The following SPTBN2 variants were observed in gnomAD, a reference collection of about 807,000 sequenced individuals.
SPTBN2 encodes the protein spectrin beta, non-erythrocytic 2, also known as spectrin beta chain, non-erythrocytic 2.
A neutral mutation model predicts 284.2 loss-of-function variants in SPTBN2; 107 were observed. The ratio of observed to expected loss-of-function variants is 0.38; its 90% CI spans 0.32 to 0.44. The LOEUF (loss-of-function observed/expected upper bound fraction) is 0.44, where lower values mean the gene tolerates loss of function less well. Among genes scored for constraint, SPTBN2 ranks in the 20% least tolerant of loss-of-function variants. The pLI, the probability that SPTBN2 is intolerant of heterozygous loss-of-function variation, is 1.00. For synonymous variants in SPTBN2, 1,289 were observed against 1,354.8 expected (o/e 0.95, Z 1.07); for missense variants, 2,569 against 3,287.1 (o/e 0.78, Z 5.34).
intron 26 of SPTBN2, 147 bp downstream of exon 26, chr11:66,692,389 A>G (rs147641499): frequency 1.1e-6 from 1 of 904,606 alleles, no homozygotes; most frequent in African/African-American, 1.6e-5. Context: ...CAAATCATAT[A>G]CCTCAAAACC....
In SPTBN2 at chr11:66,689,881, G is replaced by A; in HGVS notation, c.5873C>T (p.Ala1958Val). The A allele has an allele frequency of 6.2e-7, 1 of 1,614,166 alleles. No homozygotes were observed. Among genetic ancestry groups the A allele is most frequent in the Non-Finnish European group, 8.5e-7 (1 of 1,180,034 alleles). The change falls in exon 29 of 38, where the codon GCC becomes GTC. Residue 1958 changes from alanine to valine, a missense_variant. Ala to Val is a moderately conservative substitution (Grantham distance 64). Transcript: ENST00000533211. Reference sequence around the variant, plus strand: ...GCAGGAGGAGAAGCGGTCTGCCCGGGCCTCTATCTCTGCCTTGATGCCTTG... The same window carrying A: ...GCAGGAGGAGAAGCGGTCTGCCCGGACCTCTATCTCTGCCTTGATGCCTTG... ...NQQGIKAEIE[A>V]RADRFSSCID...
intron 1 of SPTBN2, among the ~76,000 whole-genome samples, chr11:66,735,758 A>AT (rs537721022): frequency 7.2e-5 from 11 of 152,156 alleles, no homozygotes; most frequent in East Asian, 1.9e-4. Context: ...TGCATTATTT[A>AT]TTTTTTTTAA....
chr11:66,744,535 C>G (rs1396502918), intron 1 of SPTBN2: 1 of 197,874 alleles, frequency 5.1e-6, no homozygotes, highest in Admixed American at 6.0e-5. Context: ...GCCTCATTCC[C>G]GCTCACCTCC....
At position 66,700,833 on chromosome 11, in the gene SPTBN2, G is replaced by A; in HGVS notation, c.3266C>T (p.Ala1089Val). ...AWLGRTQTAV[A>V]SEEGPATLPE... The stretch of plus-strand genomic sequence containing the variant: ...CAGGGTGGCCGGCCCTTCTTCAGAG[G>A]CCACAGCAGTCTGAGTGCGGCCTAG... Residue 1089 changes from alanine (A) to valine (V), a missense_variant, in exon 17 of 38, where the codon GCC becomes GTC. Ala to Val is a moderately conservative substitution (Grantham distance 64, BLOSUM62 0). Around this residue, in one of 6 missense-constraint regions of SPTBN2, gnomAD observed 1,012 missense variants for 1,248.9 expected, o/e 0.81. Transcript: ENST00000533211. The surrounding 1 kb of genome is among the most constrained non-coding windows in gnomAD (Gnocchi z 6.6). 1 of 1,600,322 alleles carries A rather than the reference G, an allele frequency of 6.2e-7. No homozygotes were observed. The highest frequency in any genetic ancestry group is 8.5e-7 in the Non-Finnish European group (1 of 1,179,798).
Position 66,707,402 on chromosome 11 carries a change from C to T in SPTBN2, c.1653+114G>A. ...GTTCCCTGCAACTGGGGACAGGGCC[C>T]TGTGCTGGTTCACACTCCACAGAGA... On this transcript the variant is annotated intron_variant, in intron 13 of 37. Coordinates refer to ENST00000533211, the MANE Select transcript of SPTBN2 (RefSeq NM_006946.4). The surrounding 1 kb of genome is among the most constrained non-coding windows in gnomAD (Gnocchi z 4.9). 2 of 1,156,276 alleles carry T rather than the reference C, an allele frequency of 1.7e-6. No homozygotes were observed. Among genetic ancestry groups the T allele is most frequent in the Non-Finnish European group, 2.5e-6 (2 of 814,230 alleles). 71.6% of individuals were successfully genotyped at this position (1,156,276 alleles called of 1,614,324 possible). A position where few individuals can be genotyped will look rare whatever the true frequency, so the allele number is the denominator to read the frequency against.
intron 1 of SPTBN2, among the ~76,000 whole-genome samples, chr11:66,737,669 C>G (rs1942863270): frequency 6.6e-6 from 1 of 152,198 alleles, no homozygotes; most frequent in African/African-American, 2.4e-5. Flanking sequence ...AAGCTAGATA[C>G]CAACTTGTTA....
rs528862578 is a variant in SPTBN2, at chr11:66,685,509, A to T, written c.*362T>A. The T allele has an allele frequency of 6.3e-6, 2 of 318,366 alleles. No homozygotes were observed. The highest frequency in any genetic ancestry group is 1.2e-5 in the Non-Finnish European group (2 of 163,902). The allele number at this position is 318,366 out of a possible 1,614,324, so 19.7% of individuals were successfully genotyped here. On this transcript the variant is annotated 3_prime_UTR_variant, in exon 38 of 38. Transcript: ENST00000533211. The surrounding 1 kb of genome is among the most constrained non-coding windows in gnomAD (Gnocchi z 4.4). ...GAAGGCAGAAGGCGAGTGCCCTCGC[A>T]TGGCAGGAGAATGACCCTGAGGCAG...
intron 1 of SPTBN2, among the ~76,000 whole-genome samples, chr11:66,735,807 G>C (rs1343888370): frequency 6.6e-6 from 1 of 152,124 alleles, no homozygotes; most frequent in Non-Finnish European, 1.5e-5. Flanking sequence ...TATCTTGATT[G>C]GTGAAGTTAA....
At chr11:66,704,563 C>G (rs922664128) in intron 15 of SPTBN2, 35 bp downstream of exon 15, 14 of 1,602,136 alleles carry the variant, frequency 8.7e-6, no homozygotes, top group African/African-American at 1.3e-5. Flanking sequence ...CCCCACCTCC[C>G]AAGGCTGGTC....
chr11:66,693,135 C>A lies in SPTBN2; in HGVS notation c.4855-35G>T. ...GGGACAGTGGCATCCAGCATCAGGT[C>A]AGGGGAGGGCAGAACTGGTCACATA... On this transcript the variant is annotated intron_variant, in intron 24 of 37. Transcript: ENST00000533211. This position sits in a 1 kb window ranked among gnomAD's most constrained non-coding sequence, Gnocchi z 5.7. The A allele has an allele frequency of 6.2e-7, 1 of 1,614,226 alleles. No individual in the cohort carries two copies. Among genetic ancestry groups the A allele is most frequent in the South Asian group, 1.1e-5 (1 of 91,074 alleles).
intron 1 of SPTBN2, among the ~76,000 whole-genome samples, chr11:66,723,406 T>C (rs1395295155): frequency 6.6e-6 from 1 of 152,010 alleles, no homozygotes; most frequent in Non-Finnish European, 1.5e-5. Flanking sequence ...AATAGAGAAG[T>C]GCTGGGTGGT....
chr11:66,689,088 C>A lies in SPTBN2; in HGVS notation c.6034+8G>T. On this transcript the variant is annotated splice_region_variant and intron_variant, in intron 30 of 37. Transcript: ENST00000533211. ...CCCACAGGGCCTGGGGCCCCCTTGGCAGCTCACCCAGCTGAAGCCAGTCCA... is the reference window on the plus strand; with the variant it reads ...CCCACAGGGCCTGGGGCCCCCTTGGAAGCTCACCCAGCTGAAGCCAGTCCA... The A allele has an allele frequency of 6.2e-7, 1 of 1,603,106 alleles. No individual in the cohort carries two copies. Among genetic ancestry groups the A allele is most frequent in the Non-Finnish European group, 8.5e-7 (1 of 1,174,164 alleles).
At chr11:66,686,266 C>T (rs1161859386) in intron 37 of SPTBN2, 132 bp downstream of exon 37, 12 of 1,422,740 alleles carry the variant, frequency 8.4e-6, no homozygotes, top group Middle Eastern at 3.5e-4. Flanking sequence ...CCTGGTGCGG[C>T]CGTCGCACAC....
intron 21 of SPTBN2, among the ~76,000 whole-genome samples, chr11:66,695,714 C>T (rs1940863211): frequency 6.6e-6 from 1 of 152,112 alleles, no homozygotes; most frequent in Non-Finnish European, 1.5e-5. Flanking sequence ...ATAGAGTTCT[C>T]TTTACCACCT....
chr11:66,720,730 AT>A (rs1337577640), intron 3 of SPTBN2, among the ~76,000 whole-genome samples: 1 of 152,178 alleles, frequency 6.6e-6, no homozygotes, highest in Non-Finnish European at 1.5e-5. Flanking sequence ...CAACAAGGGC[AT>A]GACAGGTAAG....
chr11:66,707,789 G>A lies in SPTBN2; in HGVS notation c.1380C>T (p.Val460=), dbSNP rs529823815. ...CTTCGTGCTTCCGTACTGCTGCCTC[G>A]ACAGCTGCCAGCTCCAGCCCAAAGT... The part of the protein sequence containing the change: ...QDNFGLELAA[V]EAAVRKHEAI... Residue 460 remains valine (V), a synonymous_variant, in exon 13 of 38, where the codon GTC becomes GTT. Transcript: ENST00000533211. This position sits in a 1 kb window ranked among gnomAD's most constrained non-coding sequence, Gnocchi z 4.9. 1.1e-5 allele frequency: 17 copies of A among 1,609,494 alleles called. No individual in the cohort carries two copies. Among genetic ancestry groups the A allele is most frequent in the East Asian group, 2.2e-5 (1 of 44,858 alleles).
chr11:66,721,972 G>A (rs1942424843), intron 1 of SPTBN2, among the ~76,000 whole-genome samples: 1 of 151,870 alleles, frequency 6.6e-6, no homozygotes, highest in Non-Finnish European at 1.5e-5. Flanking sequence ...GCTTGAACCT[G>A]GGCGCACCTT....
intron 1 of SPTBN2, among the ~76,000 whole-genome samples, chr11:66,739,259 C>T (rs768075880): frequency 3.9e-5 from 6 of 152,106 alleles, no homozygotes; most frequent in African/African-American, 1.4e-4. Context: ...TTTTAGAGAT[C>T]GGTGAAAAAT....
Position 66,704,723 on chromosome 11 carries a change from G to A in SPTBN2, c.2553C>T (p.Ala851=). 1 of 1,605,682 alleles carries A rather than the reference G, an allele frequency of 6.2e-7. No individual in the cohort carries two copies. Among genetic ancestry groups the A allele is most frequent in the African/African-American group, 1.3e-5 (1 of 74,868 alleles). Reference sequence around the variant, plus strand: ...CGCTGAGCATGGTGTAGAGCGCCAGGGCTGCCTCCAAGGCCCGCGCTCGCT... The same window carrying A: ...CGCTGAGCATGGTGTAGAGCGCCAGAGCTGCCTCCAAGGCCCGCGCTCGCT... ...AGERARALEA[A]LALYTMLSEA... Residue 851 remains alanine (A), a synonymous_variant, in exon 15 of 38, where the codon GCC becomes GCT. Coordinates refer to ENST00000533211, the MANE Select transcript of SPTBN2 (RefSeq NM_006946.4).
Sources: gnomAD v4.1 joint callset for allele counts (sites outside exome capture counted in the v4.1 genomes callset) on GRCh38, gnomAD v4.1.1 for gene constraint, gnomAD v4.1.1 regional missense constraint, Gnocchi (gnomAD v3.1) non-coding constraint, MANE v1.5 for transcripts, NCBI Gene and HGNC (gene_info 2026-07-23, HGNC 2026-07-21) for gene names.